The following LRRN4CL variants were observed in gnomAD, a reference collection of about 807,000 sequenced individuals.
The protein encoded by LRRN4CL is LRRN4 C-terminal-like protein.
For missense variants in LRRN4CL, 348 were observed against 336.4 expected, an observed-to-expected ratio of 1.03 and a Z score of -0.27; for synonymous variants, 156 against 154.1, an observed-to-expected ratio of 1.01 and a Z score of -0.09.
chr11:62,687,800 C>T lies in LRRN4CL; in HGVS notation c.709G>A (p.Ala237Thr). Residue 237 changes from alanine to threonine, a missense_variant, in exon 2 of 2, where the codon GCG becomes ACG. Ala to Thr is a moderately conservative substitution (Grantham distance 58). Transcript: ENST00000317449. ...ATGCCCCCAGGCCCCTTTCAGAGCG[C>T]CCCTGCGGCTCGGGCGGCGGCTCGG... Reference protein sequence around the residue: ...PRRAAARAAGAL With the variant: ...PRRAAARAAGTL 1 of 1,397,036 alleles carries T rather than the reference C, an allele frequency of 7.2e-7. No individual in the cohort carries two copies. The highest frequency in any genetic ancestry group is 9.2e-7 in the Non-Finnish European group (1 of 1,086,886). 86.5% of individuals were successfully genotyped at this position (1,397,036 alleles called of 1,614,324 possible).
At chr11:62,688,934 G>A (rs1257186557) in intron 1 of LRRN4CL, among the ~76,000 whole-genome samples, 1 of 152,168 alleles carries the variant, frequency 6.6e-6, no homozygotes, top group Non-Finnish European at 1.5e-5. Flanking sequence ...CCAACACTTT[G>A]GGGAAGTCAA....
Position 62,688,170 on chromosome 11 carries a change from G to A in LRRN4CL, c.339C>T (p.His113=). The change falls in exon 2 of 2, where the codon CAC becomes CAT. Residue 113 remains histidine (H), a synonymous_variant. Coordinates refer to ENST00000317449, the MANE Select transcript of LRRN4CL (RefSeq NM_203422.4). The part of the protein sequence containing the change: ...HWCAPFSPVL[H]YWLLLWDGSE... ...TGCCGTCCCAAAGCAGCAGCCAGTA[G>A]TGGAGGACCGGGGAGAAGGGGGCAC... The A allele has an allele frequency of 6.2e-7, 1 of 1,612,566 alleles. No homozygotes were observed. Among genetic ancestry groups the A allele is most frequent in the Non-Finnish European group, 8.5e-7 (1 of 1,179,816 alleles).
At position 62,687,806 on chromosome 11, in the gene LRRN4CL, C is replaced by G. The variant is rs1023634404; in HGVS notation, c.703G>C (p.Ala235Pro). ...CCAGGCCCCTTTCAGAGCGCCCCTG[C>G]GGCTCGGGCGGCGGCTCGGCGCGGG... The part of the protein sequence containing the change: ...GCPRRAAARA[A>P]GAL The change falls in exon 2 of 2, where the codon GCA becomes CCA. Residue 235 changes from alanine to proline, a missense_variant. Transcript: ENST00000317449. The G allele has an allele frequency of 7.2e-6, 10 of 1,396,662 alleles. No homozygotes were observed. Among genetic ancestry groups the G allele is most frequent in the Admixed American group, 7.1e-5 (2 of 28,172 alleles). The allele number at this position is 1,396,662 out of a possible 1,614,324, so 86.5% of individuals were successfully genotyped here. A position where few individuals can be genotyped will look rare whatever the true frequency, so the allele number is the denominator to read the frequency against.
rs1331814716 is a variant in LRRN4CL at position 62,688,124 on chromosome 11, G to T, written c.385C>A (p.Pro129Thr). The change falls in exon 2 of 2, where the codon CCC becomes ACC. Residue 129 changes from proline (P) to threonine (T), a missense_variant. By Grantham distance (38) the Pro-to-Thr change is conservative (BLOSUM62 -1). Transcript: ENST00000317449. ...CTGCGGACCGTAGCGTTCAGCGGGG[G>T]CCCCTTCTGCGCAGCCTCGCTGCCG... ...WDGSEAAQKG[P>T]PLNATVRRAE... The T allele has an allele frequency of 1.2e-6, 2 of 1,612,404 alleles. No individual in the cohort carries two copies. The highest frequency in any genetic ancestry group is 4.5e-5 in the East Asian group (2 of 44,872).
rs748837919 is a variant in LRRN4CL, at chr11:62,688,108, G to A, written c.401C>T (p.Thr134Met). 13 of 1,612,574 alleles carry A rather than the reference G, an allele frequency of 8.1e-6. No individual in the cohort carries two copies. The South Asian group carries it at 1.2e-4, about 15-fold the overall frequency. The stretch of plus-strand genomic sequence containing the variant: ...CCCCTTCAGTTCGGCTCTGCGGACC[G>A]TAGCGTTCAGCGGGGGCCCCTTCTG... Reference protein sequence around the residue: ...AAQKGPPLNATVRRAELKGLK... With the variant: ...AAQKGPPLNAMVRRAELKGLK... The change falls in exon 2 of 2, where the codon ACG becomes ATG. Residue 134 changes from threonine (T) to methionine (M), a missense_variant. Thr to Met is a moderately conservative substitution (Grantham distance 81). Coordinates refer to ENST00000317449, the MANE Select transcript of LRRN4CL (RefSeq NM_203422.4).
At position 62,688,416 on chromosome 11, in the gene LRRN4CL, C is replaced by T. The variant is rs1945228689; in HGVS notation, c.93G>A (p.Glu31=). The T allele has an allele frequency of 1.2e-6, 2 of 1,601,706 alleles. No homozygotes were observed. The highest frequency in any genetic ancestry group is 2.2e-5 in the East Asian group (1 of 44,884). Residue 31 remains glutamate (E), a synonymous_variant, in exon 2 of 2, where the codon GAG becomes GAA. Transcript: ENST00000317449. ...ACGCCGTCTCAGTCTCATCTGCCTC[C>T]TCTTCTTCAAAGTCTTGAGGGGCCA... ...QPLAPQDFEE[E]EADETETAWP...
At chr11:62,688,909 C>G (rs1945238254) in intron 1 of LRRN4CL, among the ~76,000 whole-genome samples, 1 of 152,162 alleles carries the variant, frequency 6.6e-6, no homozygotes, top group African/African-American at 2.4e-5. Flanking sequence ...GGCCCCTAGG[C>G]TGATGCCTAT....
Position 62,688,444 on chromosome 11 carries a change from G to C in LRRN4CL, c.65C>G (p.Pro22Arg), listed in dbSNP as rs1462638523. 6.9e-6 allele frequency: 11 copies of C among 1,599,512 alleles called. No homozygotes were observed. The highest frequency in any genetic ancestry group is 9.3e-6 in the Non-Finnish European group (11 of 1,179,928). The change falls in exon 2 of 2, where the codon CCC (proline) becomes CGC (arginine). Residue 22 changes from proline (P) to arginine (R), a missense_variant. Coordinates refer to ENST00000317449, the MANE Select transcript of LRRN4CL (RefSeq NM_203422.4). ...AVTFLVPRAQ[P>R]LAPQDFEEEE... Reference sequence around the variant, plus strand: ...TTCTTCAAAGTCTTGAGGGGCCAAGGGCTGAGCTCTGGGAACCAAGAAGGT... The same window carrying C: ...TTCTTCAAAGTCTTGAGGGGCCAAGCGCTGAGCTCTGGGAACCAAGAAGGT...
In LRRN4CL at chr11:62,686,944, C is replaced by CGTG. The variant is rs1945202876; in HGVS notation, c.*847_*848insCAC. 1 of 151,686 alleles carries CGTG rather than the reference C, an allele frequency of 6.6e-6. No homozygotes were observed. Among genetic ancestry groups the CGTG allele is most frequent in the Non-Finnish European group, 1.5e-5 (1 of 68,090 alleles). 9.4% of individuals were successfully genotyped at this position (151,686 alleles called of 1,614,324 possible). On this transcript the variant is annotated 3_prime_UTR_variant, in exon 2 of 2. Transcript: ENST00000317449. ...TCAGCCTCCCAAAGTGCTGGGATTA[C>CGTG]AGGCGTGAGCCACCGCGCCCGGCCG... is the stretch of plus-strand genomic sequence containing the variant.
Position 62,688,015 on chromosome 11 carries a change from G to A in LRRN4CL, c.494C>T (p.Pro165Leu). 2 of 1,612,362 alleles carry A rather than the reference G, an allele frequency of 1.2e-6. No homozygotes were observed. Among genetic ancestry groups the A allele is most frequent in the Non-Finnish European group, 1.7e-6 (2 of 1,179,806 alleles). ...AANEAGASRV[P>L]QAGGEGLEGA... The stretch of plus-strand genomic sequence containing the variant: ...CTCGAGGCCCTCTCCTCCAGCCTGG[G>A]GCACGCGGCTTGCCCCGGCCTCGTT... The change falls in exon 2 of 2, where the codon CCC (proline) becomes CTC (leucine). Residue 165 changes from proline (P) to leucine (L), a missense_variant. By Grantham distance (98) the Pro-to-Leu change is moderately conservative. Coordinates refer to ENST00000317449, the MANE Select transcript of LRRN4CL (RefSeq NM_203422.4).
At position 62,688,459 on chromosome 11, in the gene LRRN4CL, A is replaced by T. The variant is rs1354169931; in HGVS notation, c.50T>A (p.Val17Asp). The change falls in exon 2 of 2, where the codon GTT (valine) becomes GAT (aspartate). Residue 17 changes from valine (V) to aspartate (D), a missense_variant. By Grantham distance (152) the Val-to-Asp change is radical. Coordinates refer to ENST00000317449, the MANE Select transcript of LRRN4CL (RefSeq NM_203422.4). ...LLWLLAVTFLVPRAQPLAPQD... is the reference protein window; with the variant it reads ...LLWLLAVTFLDPRAQPLAPQD... ...AGGGGCCAAGGGCTGAGCTCTGGGA[A>T]CCAAGAAGGTCACGGCCAGGAGCCA... is the stretch of plus-strand genomic sequence containing the variant. 1.0e-5 allele frequency: 16 copies of T among 1,598,976 alleles called. No homozygotes were observed. Among genetic ancestry groups the T allele is most frequent in the Non-Finnish European group, 1.3e-5 (15 of 1,179,884 alleles).
Position 62,687,728 on chromosome 11 carries a change from C to T in LRRN4CL, c.*64G>A. ...CTGGAGGCAGCGGGTTTTCCTCTTTCCCGGGGGCCAGGCTGAGCGCCCCAG... is the reference window on the plus strand; with the variant it reads ...CTGGAGGCAGCGGGTTTTCCTCTTTTCCGGGGGCCAGGCTGAGCGCCCCAG... On this transcript the variant is annotated 3_prime_UTR_variant, in exon 2 of 2. Transcript: ENST00000317449. 2.3e-6 allele frequency: 3 copies of T among 1,298,764 alleles called. No individual in the cohort carries two copies. The highest frequency in any genetic ancestry group is 3.0e-6 in the Non-Finnish European group (3 of 1,014,658). The allele number at this position is 1,298,764 out of a possible 1,614,324, so 80.5% of individuals were successfully genotyped here. A position where few individuals can be genotyped will look rare whatever the true frequency, so the allele number is the denominator to read the frequency against.
In LRRN4CL at chr11:62,687,956, G is replaced by A. The variant is rs1945217290; in HGVS notation, c.553C>T (p.Arg185Cys). ...CGGGGGTTGGGCGGCACCGCAAGGC[G>A]GCTGCAAGGCCCGAAGGCAGGGATG... ...ADIPAFGPCS[R>C]LAVPPNPRTL... Residue 185 changes from arginine (R) to cysteine (C), a missense_variant, in exon 2 of 2, where the codon CGC becomes TGC. Transcript: ENST00000317449. The A allele has an allele frequency of 1.3e-6, 2 of 1,589,028 alleles. No individual in the cohort carries two copies. Among genetic ancestry groups the A allele is most frequent in the Non-Finnish European group, 1.7e-6 (2 of 1,168,266 alleles).
At chr11:62,689,163 C>G (rs547835939) in intron 1 of LRRN4CL, among the ~76,000 whole-genome samples, 15 of 152,274 alleles carry the variant, frequency 9.9e-5, no homozygotes, top group African/African-American at 2.9e-4. Flanking sequence ...ACACTCCAGC[C>G]TGGGTGACAA....
rs1240011837 is a variant in LRRN4CL, at chr11:62,687,054, T to C, written c.*738A>G. The C allele has an allele frequency of 6.6e-6, 1 of 151,112 alleles. No individual in the cohort carries two copies. Among genetic ancestry groups the C allele is most frequent in the Non-Finnish European group, 1.5e-5 (1 of 67,794 alleles). 9.4% of individuals were successfully genotyped at this position (151,112 alleles called of 1,614,324 possible). On this transcript the variant is annotated 3_prime_UTR_variant, in exon 2 of 2. Transcript: ENST00000317449. ...CAGCACTTTGAGAGACCAAGGCGGG[T>C]GGAGTACCTGAGGTCAGGAGTTTGA...
Position 62,687,938 on chromosome 11 carries a change from T to C in LRRN4CL, c.571A>G (p.Asn191Asp), listed in dbSNP as rs1945216923. 2 of 1,564,242 alleles carry C rather than the reference T, an allele frequency of 1.3e-6. No individual in the cohort carries two copies. The highest frequency in any genetic ancestry group is 1.7e-6 in the Non-Finnish European group (2 of 1,156,216). Reference protein sequence around the residue: ...GPCSRLAVPPNPRTLVHAAVG... With the variant: ...GPCSRLAVPPDPRTLVHAAVG... ...GCCGCGTGGACCAGAGTGCGGGGGT[T>C]GGGCGGCACCGCAAGGCGGCTGCAA... is the stretch of plus-strand genomic sequence containing the variant. The change falls in exon 2 of 2, where the codon AAC (asparagine) becomes GAC (aspartate). Residue 191 changes from asparagine (N) to aspartate (D), a missense_variant. By Grantham distance (23) the Asn-to-Asp change is conservative. Coordinates refer to ENST00000317449, the MANE Select transcript of LRRN4CL (RefSeq NM_203422.4).
At position 62,687,409 on chromosome 11, in the gene LRRN4CL, T is replaced by C. The variant is rs1236561170; in HGVS notation, c.*383A>G. ...TCAGCCTCTGGAGTAGCTGCTACTA[T>C]AGGTTCGCATTACTAAGTCAGGTCG... is the stretch of plus-strand genomic sequence containing the variant. On this transcript the variant is annotated 3_prime_UTR_variant, in exon 2 of 2. Transcript: ENST00000317449. 2.1e-5 allele frequency: 4 copies of C among 193,296 alleles called. No individual in the cohort carries two copies. Among genetic ancestry groups the C allele is most frequent in the Non-Finnish European group, 4.2e-5 (4 of 96,260 alleles). The allele number at this position is 193,296 out of a possible 1,614,324, so 12.0% of individuals were successfully genotyped here.
At position 62,688,224 on chromosome 11, in the gene LRRN4CL, G is replaced by C. The variant is rs1163276543; in HGVS notation, c.285C>G (p.Ala95=). 1.2e-6 allele frequency: 2 copies of C among 1,611,778 alleles called. No homozygotes were observed. Among genetic ancestry groups the C allele is most frequent in the South Asian group, 1.1e-5 (1 of 90,988 alleles). ...PPRMGEVRIA[A]EEGRAVVHWC... is the part of the protein sequence containing the mutation. Reference sequence around the variant, plus strand: ...AGTGGACCACTGCGCGGCCCTCTTCGGCCGCAATGCGCACTTCTCCCATGC... The same window carrying C: ...AGTGGACCACTGCGCGGCCCTCTTCCGCCGCAATGCGCACTTCTCCCATGC... The change falls in exon 2 of 2, where the codon GCC becomes GCG. Residue 95 remains alanine, a synonymous_variant. Coordinates refer to ENST00000317449, the MANE Select transcript of LRRN4CL (RefSeq NM_203422.4).
In LRRN4CL at chr11:62,687,908, C is replaced by T. The variant is rs1300377568; in HGVS notation, c.601G>A (p.Gly201Arg). 1.3e-6 allele frequency: 2 copies of T among 1,504,734 alleles called. No homozygotes were observed. The highest frequency in any genetic ancestry group is 1.8e-6 in the Non-Finnish European group (2 of 1,129,000). The allele number at this position is 1,504,734 out of a possible 1,614,324, so 93.2% of individuals were successfully genotyped here. The change falls in exon 2 of 2, where the codon GGG becomes AGG. Residue 201 changes from glycine to arginine, a missense_variant. Transcript: ENST00000317449. ...AGCAGGGCCAGGGCCGTGCCCACCC[C>T]GACGGCCGCGTGGACCAGAGTGCGG... ...NPRTLVHAAV[G>R]VGTALALLSC...
Sources: gnomAD v4.1 joint callset for allele counts (sites outside exome capture counted in the v4.1 genomes callset) on GRCh38, gnomAD v4.1.1 for gene constraint, MANE v1.5 for transcripts, NCBI Gene and HGNC (gene_info 2026-07-23, HGNC 2026-07-21) for gene names.